Variants in CNTN3 observed in about 807,000 individuals in gnomAD.
CNTN3 encodes contactin 3, also known as contactin-3.
A neutral mutation model predicts 119.1 loss-of-function variants in CNTN3; 60 were observed. The observed-to-expected ratio is 0.50, with a 90% CI of 0.41 to 0.62. The LOEUF is 0.62. CNTN3 is among the 20% of genes least tolerant of loss of function. The pLI, the probability that CNTN3 is intolerant of heterozygous loss-of-function variation, is 0.00. For missense variants in CNTN3, 1,101 were observed against 1,242.4 expected, an observed-to-expected ratio of 0.89 and a Z score of 1.71; for synonymous variants, 450 against 438.7, an observed-to-expected ratio of 1.03 and a Z score of -0.32.
At chr3:74,421,795 C>T (rs1018296323) in intron 5 of CNTN3, among the ~76,000 whole-genome samples, 1 of 152,130 alleles carries the variant, frequency 6.6e-6, no homozygotes, top group African/African-American at 2.4e-5. Context: ...TGATATACCC[C>T]GGAGTTACAG....
At chr3:74,577,471 C>T (rs1704436623) in intron 1 of CNTN3, among the ~76,000 whole-genome samples, 1 of 152,056 alleles carries the variant, frequency 6.6e-6, no homozygotes, top group Non-Finnish European at 1.5e-5. Flanking sequence ...ACTGAAATGA[C>T]CTCAAACCCA....
intron 4 of CNTN3, among the ~76,000 whole-genome samples, chr3:74,426,734 A>C (rs1187271480): frequency 2.6e-5 from 4 of 152,218 alleles, no homozygotes; most frequent in African/African-American, 9.6e-5. Context: ...ACTAAAATGC[A>C]ACATTCTCAA....
chr3:74,323,755 G>C (rs538934), intron 13 of CNTN3, among the ~76,000 whole-genome samples: 8 of 151,704 alleles, frequency 5.3e-5, no homozygotes, highest in Non-Finnish European at 1.2e-4. Flanking sequence ...TTGACTTCAG[G>C]CTCCTTTTGC....
intron 11 of CNTN3, among the ~76,000 whole-genome samples, chr3:74,343,643 C>T (rs1312140972): frequency 2.6e-5 from 4 of 152,204 alleles, no homozygotes; most frequent in Admixed American, 2.0e-4. Context: ...TTCTTTGCCC[C>T]TATTGAATGC....
intron 5 of CNTN3, among the ~76,000 whole-genome samples, chr3:74,407,784 A>T (rs1449280469): frequency 6.6e-6 from 1 of 152,136 alleles, no homozygotes; most frequent in Non-Finnish European, 1.5e-5. Context: ...TATATAAATA[A>T]AAAAAGAAAA....
At chr3:74,357,339 A>G (rs1204409153) in intron 11 of CNTN3, among the ~76,000 whole-genome samples, 1 of 152,068 alleles carries the variant, frequency 6.6e-6, no homozygotes, top group Non-Finnish European at 1.5e-5. Context: ...GCTGGAGTGC[A>G]GTGGTGCAAT....
chr3:74,455,346 A>C (rs1702247638), intron 4 of CNTN3, among the ~76,000 whole-genome samples: 1 of 151,852 alleles, frequency 6.6e-6, no homozygotes, highest in Non-Finnish European at 1.5e-5. Flanking sequence ...CTTGGCTTTC[A>C]GCTCCATCAG....
chr3:74,297,942 T>G lies in CNTN3; in HGVS notation c.2401+15A>C. On this transcript the variant is annotated intron_variant, in intron 18 of 22. Coordinates refer to ENST00000263665, the MANE Select transcript of CNTN3 (RefSeq NM_020872.3). Reference sequence around the variant, plus strand: ...ATTATTAGGCGGAACTGATATACAGTCATGTTTTCCATACCTTCTTCTGCA... The same window carrying G: ...ATTATTAGGCGGAACTGATATACAGGCATGTTTTCCATACCTTCTTCTGCA... The G allele has an allele frequency of 1.9e-6, 3 of 1,586,606 alleles. No homozygotes were observed. Among genetic ancestry groups the G allele is most frequent in the Non-Finnish European group, 2.6e-6 (3 of 1,156,180 alleles).
intron 13 of CNTN3, among the ~76,000 whole-genome samples, chr3:74,312,652 C>A (rs549172): frequency 0.36 from 54,753 of 151,432 alleles, 11,185 homozygotes; most frequent in East Asian, 0.72. Context: ...GTTCATTAGA[C>A]GACTGAGACC....
chr3:74,536,631 G>C (rs1394351576), intron 1 of CNTN3, among the ~76,000 whole-genome samples: 1 of 152,016 alleles, frequency 6.6e-6, no homozygotes, highest in Non-Finnish European at 1.5e-5. Flanking sequence ...AATGAACTTG[G>C]CAATTTCTGG....
At chr3:74,324,011 TA>T (rs968754162) in intron 13 of CNTN3, among the ~76,000 whole-genome samples, 60 of 151,986 alleles carry the variant, frequency 3.9e-4, no homozygotes, top group Non-Finnish European at 7.7e-4. Context: ...TTCAGAGATT[TA>T]AAAAAAACCA....
intron 4 of CNTN3, among the ~76,000 whole-genome samples, chr3:74,470,767 C>G (rs568663614): frequency 2.0e-4 from 31 of 152,254 alleles, no homozygotes; most frequent in African/African-American, 6.7e-4. Context: ...CTCCCTGTTA[C>G]CCCTCTCAAA....
chr3:74,462,334 C>T (rs1202454857), intron 4 of CNTN3, among the ~76,000 whole-genome samples: 1 of 152,052 alleles, frequency 6.6e-6, no homozygotes, highest in South Asian at 2.1e-4. Flanking sequence ...CATACAAAGA[C>T]ATAGAAGACC....
intron 9 of CNTN3, 41 bp from the exon 10 acceptor site, chr3:74,364,637 C>A: frequency 4.0e-6 from 6 of 1,513,100 alleles, no homozygotes; most frequent in Non-Finnish European, 5.5e-6. Context: ...AACAAACATA[C>A]CACTTTAGAA....
At chr3:74,312,391 G>C (rs192057560) in intron 13 of CNTN3, among the ~76,000 whole-genome samples, 1 of 140,708 alleles carries the variant, frequency 7.1e-6, no homozygotes, top group Admixed American at 7.7e-5. Context: ...GGGAGGCGGA[G>C]CTTGCAGTGA....
At chr3:74,559,582 A>G (rs1704121471) in intron 1 of CNTN3, among the ~76,000 whole-genome samples, 1 of 146,904 alleles carries the variant, frequency 6.8e-6, no homozygotes, top group African/African-American at 2.5e-5. Flanking sequence ...AAATAAAATG[A>G]GACACACACA....
intron 5 of CNTN3, among the ~76,000 whole-genome samples, chr3:74,374,856 G>T (rs569767567): frequency 6.6e-5 from 10 of 152,200 alleles, no homozygotes; most frequent in African/African-American, 2.4e-4. Context: ...AAATTAGGAG[G>T]TCTATCTCAG....
At chr3:74,431,655 C>T (rs1701785172) in intron 4 of CNTN3, among the ~76,000 whole-genome samples, 1 of 152,072 alleles carries the variant, frequency 6.6e-6, no homozygotes, top group South Asian at 2.1e-4. Flanking sequence ...GAAAAGGCCA[C>T]ATGTGCAATT....
At chr3:74,379,849 G>A (rs1341278683) in intron 5 of CNTN3, among the ~76,000 whole-genome samples, 1 of 152,120 alleles carries the variant, frequency 6.6e-6, no homozygotes, top group African/African-American at 2.4e-5. Flanking sequence ...TCCTTCCTTT[G>A]GCAAGGCTGC....
Sources: gnomAD v4.1 joint callset for allele counts (sites outside exome capture counted in the v4.1 genomes callset) on GRCh38, gnomAD v4.1.1 for gene constraint, MANE v1.5 for transcripts, NCBI Gene and HGNC (gene_info 2026-07-23, HGNC 2026-07-21) for gene names.